The following DOCK3 variants were observed in gnomAD, a reference collection of about 807,000 sequenced individuals.
DOCK3 encodes the protein dedicator of cytokinesis 3, also known as dedicator of cytokinesis protein 3.
DOCK3 carries 60 observed loss-of-function variants against 265.6 expected under a neutral mutation model. The ratio of observed to expected loss-of-function variants is 0.23; its 90% CI spans 0.18 to 0.28. The LOEUF (loss-of-function observed/expected upper bound fraction) is 0.28. Among genes scored for constraint, DOCK3 ranks in the 10% least tolerant of loss-of-function variants. The pLI, the probability that DOCK3 is intolerant of heterozygous loss-of-function variation, is 1.00. For missense variants in DOCK3, 1,981 were observed against 2,594.3 expected (o/e 0.76, Z 5.14); for synonymous variants, 881 against 938.0 (o/e 0.94, Z 1.11).
At chr3:51,147,571 A>G (rs973969439) in intron 10 of DOCK3, among the ~76,000 whole-genome samples, 3 of 152,168 alleles carry the variant, frequency 2.0e-5, no homozygotes, top group African/African-American at 4.8e-5. Flanking sequence ...AGTCCCACCT[A>G]TCAGTGAGAA....
chr3:51,097,356 G>T (rs548014882), intron 9 of DOCK3, among the ~76,000 whole-genome samples: 3 of 152,326 alleles, frequency 2.0e-5, no homozygotes, highest in African/African-American at 4.8e-5. Flanking sequence ...TTTGAGGAGC[G>T]CAGTGGGCTC....
chr3:51,068,630 G>C (rs947266436), intron 6 of DOCK3, among the ~76,000 whole-genome samples: 13 of 150,732 alleles, frequency 8.6e-5, no homozygotes, highest in African/African-American at 2.2e-4. Context: ...GGAAACCTAG[G>C]CTCAAAGGCA....
intron 5 of DOCK3, among the ~76,000 whole-genome samples, chr3:51,043,634 G>A (rs1449160173): frequency 6.6e-6 from 1 of 151,502 alleles, no homozygotes; most frequent in Admixed American, 6.6e-5. Flanking sequence ...ACTGAATGGG[G>A]TAAACAGACA....
At chr3:51,223,637 T>A (rs1455932001) in intron 14 of DOCK3, among the ~76,000 whole-genome samples, 5 of 152,120 alleles carry the variant, frequency 3.3e-5, no homozygotes, top group Admixed American at 6.6e-5. Context: ...ATAGGAAAAC[T>A]AATGTGCAAT....
intron 3 of DOCK3, among the ~76,000 whole-genome samples, chr3:50,861,106 A>G (rs555660241): frequency 6.6e-6 from 1 of 152,274 alleles, no homozygotes; most frequent in South Asian, 2.1e-4. Context: ...ATGGTTTTCC[A>G]GGGTTGCTCA....
chr3:51,279,290 AG>A (rs959091218), intron 26 of DOCK3, among the ~76,000 whole-genome samples: 2 of 152,168 alleles, frequency 1.3e-5, no homozygotes, highest in Non-Finnish European at 2.9e-5. Flanking sequence ...AGACCTAGAA[AG>A]GGTTTGAGAG....
chr3:51,309,444 C>A (rs1232614023), intron 27 of DOCK3, among the ~76,000 whole-genome samples: 2 of 152,120 alleles, frequency 1.3e-5, no homozygotes, highest in South Asian at 2.1e-4. Context: ...ACCAGTCAGG[C>A]GTGGCGGCGC....
intron 9 of DOCK3, among the ~76,000 whole-genome samples, chr3:51,120,639 G>C (rs2083969469): frequency 1.3e-5 from 2 of 152,208 alleles, no homozygotes; most frequent in Admixed American, 6.5e-5. Flanking sequence ...TGGGGCTGCT[G>C]CCTTTCTGTC....
At chr3:50,895,896 T>A (rs956192839) in intron 4 of DOCK3, among the ~76,000 whole-genome samples, 2 of 152,220 alleles carry the variant, frequency 1.3e-5, no homozygotes, top group African/African-American at 4.8e-5. Flanking sequence ...TGTGCCACAT[T>A]TTCTTTATCA....
chr3:50,888,632 A>G (rs2048469180), intron 3 of DOCK3, among the ~76,000 whole-genome samples: 1 of 152,212 alleles, frequency 6.6e-6, no homozygotes, highest in Admixed American at 6.5e-5. Context: ...TACAGTAACC[A>G]AAACAGCATG....
At chr3:51,364,324 T>G (rs2086970009) in intron 49 of DOCK3, among the ~76,000 whole-genome samples, 1 of 152,264 alleles carries the variant, frequency 6.6e-6, no homozygotes, top group Non-Finnish European at 1.5e-5. Context: ...GCCCACTTTT[T>G]GATGGGGTTG....
intron 5 of DOCK3, among the ~76,000 whole-genome samples, chr3:50,959,430 G>A: frequency 6.6e-6 from 1 of 151,058 alleles, no homozygotes; most frequent in East Asian, 1.9e-4. Context: ...TTATACATTA[G>A]ATCTCTACAC....
Position 51,381,296 on chromosome 3 carries a change from G to A in DOCK3, c.5830G>A (p.Val1944Ile), listed in dbSNP as rs782054736. Residue 1944 changes from valine (V) to isoleucine (I), a missense_variant, in exon 53 of 53, where the codon GTC becomes ATC. Coordinates refer to ENST00000266037, the MANE Select transcript of DOCK3 (RefSeq NM_004947.5). This position sits in a 1 kb window ranked among gnomAD's most constrained non-coding sequence, Gnocchi z 5.6. ...CCACTACAGCCTCTCTGAGTCTGCC[G>A]TCCTGGACTCCATCAAGGCCCAGCC... is the stretch of plus-strand genomic sequence containing the variant. ...PVHYSLSESA[V>I]LDSIKAQPCR... 7.1e-5 allele frequency: 115 copies of A among 1,613,502 alleles called. No individual in the cohort carries two copies. The Admixed American group carries it at 8.3e-4, about 12-fold the overall frequency.
intron 22 of DOCK3, among the ~76,000 whole-genome samples, chr3:51,249,001 G>A (rs1187325688): frequency 7.6e-5 from 11 of 143,984 alleles, no homozygotes; most frequent in South Asian, 2.3e-4. Context: ...CCCGGCAGCC[G>A]CCCCGTCTGA....
At chr3:51,139,914 A>G (rs1316441798) in intron 9 of DOCK3, among the ~76,000 whole-genome samples, 1 of 152,234 alleles carries the variant, frequency 6.6e-6, no homozygotes, top group African/African-American at 2.4e-5. Flanking sequence ...ACTTGTATCT[A>G]GGACACCAGT....
At chr3:51,371,999 G>A (rs2087721676) in intron 49 of DOCK3, among the ~76,000 whole-genome samples, 2 of 152,146 alleles carry the variant, frequency 1.3e-5, no homozygotes, top group South Asian at 4.1e-4. Flanking sequence ...TGTGTTTTTC[G>A]GTGCATACTG....
intron 10 of DOCK3, among the ~76,000 whole-genome samples, chr3:51,153,931 A>G (rs1277283138): frequency 6.6e-6 from 1 of 152,234 alleles, no homozygotes; most frequent in Non-Finnish European, 1.5e-5. Flanking sequence ...ATTATTGTGG[A>G]TTCTTTGATC....
intron 2 of DOCK3, among the ~76,000 whole-genome samples, chr3:50,800,188 A>G (rs760543366): frequency 6.6e-6 from 1 of 152,152 alleles, no homozygotes; most frequent in Non-Finnish European, 1.5e-5. Flanking sequence ...TTTTGCTATC[A>G]AGGTAATGCT....
chr3:51,046,362 G>GA (rs1468980965), intron 5 of DOCK3, among the ~76,000 whole-genome samples: 1 of 152,068 alleles, frequency 6.6e-6, no homozygotes, highest in Non-Finnish European at 1.5e-5. Context: ...TTAGCTTTAG[G>GA]AGACACATAG....
Sources: gnomAD v4.1 joint callset for allele counts (sites outside exome capture counted in the v4.1 genomes callset) on GRCh38, gnomAD v4.1.1 for gene constraint, Gnocchi (gnomAD v3.1) non-coding constraint, MANE v1.5 for transcripts, NCBI Gene and HGNC (gene_info 2026-07-23, HGNC 2026-07-21) for gene names.